The following IL1RAPL2 variants were observed in gnomAD, a reference collection of about 807,000 sequenced individuals.
IL1RAPL2 encodes X-linked interleukin-1 receptor accessory protein-like 2.
In IL1RAPL2, 3 loss-of-function variants were observed where a neutral mutation model predicts 44.1. The ratio of observed to expected loss-of-function variants is 0.07; its 90% confidence interval spans 0.03 to 0.18. The LOEUF (loss-of-function observed/expected upper bound fraction) is 0.18, where lower values mean the gene tolerates loss of function less well. IL1RAPL2 is among the 10% of genes least tolerant of loss of function. The pLI, the probability that IL1RAPL2 is intolerant of heterozygous loss-of-function variation, is 1.00. For synonymous variants in IL1RAPL2, 181 were observed against 178.8 expected, an observed-to-expected ratio of 1.01 and a Z score of -0.10; for missense variants, 391 against 496.4, an observed-to-expected ratio of 0.79 and a Z score of 2.02.
chrX:104,977,685 G>A (rs185037101), intron 2 of IL1RAPL2, among the ~76,000 whole-genome samples: 65 of 112,000 alleles, frequency 5.8e-4, no homozygotes, highest in African/African-American at 2.0e-3. Flanking sequence ...AAGAATTCAA[G>A]GGCAAGCTGG....
At chrX:104,941,900 A>T (rs774392570) in intron 2 of IL1RAPL2, among the ~76,000 whole-genome samples, 23 of 111,775 alleles carry the variant, frequency 2.1e-4, no homozygotes, top group African/African-American at 7.2e-4. Context: ...AGGGATCCAG[A>T]TTCAGCTTTC....
chrX:105,644,142 C>T (rs914833840), intron 6 of IL1RAPL2, among the ~76,000 whole-genome samples: 8 of 111,639 alleles, frequency 7.2e-5, no homozygotes, highest in Non-Finnish European at 1.3e-4. Flanking sequence ...CTGCCTGCCT[C>T]GGTCTCCCAA....
intron 6 of IL1RAPL2, among the ~76,000 whole-genome samples, chrX:105,573,201 G>A (rs1394751162): frequency 9.0e-6 from 1 of 111,037 alleles, no homozygotes; most frequent in African/African-American, 3.3e-5. Context: ...TGGGACCACA[G>A]GCATGCACCA....
At chrX:105,120,995 TC>T (rs1476746596) in intron 2 of IL1RAPL2, among the ~76,000 whole-genome samples, 1 of 111,703 alleles carries the variant, frequency 9.0e-6, no homozygotes, top group Admixed American at 9.5e-5. Flanking sequence ...GATGCTGCCT[TC>T]TAAACCATGG....
intron 3 of IL1RAPL2, among the ~76,000 whole-genome samples, chrX:105,207,759 C>T (rs949384332): frequency 8.9e-6 from 1 of 111,927 alleles, no homozygotes; most frequent in Non-Finnish European, 1.9e-5. Context: ...CAGGAACTAA[C>T]CTGCCATACC....
chrX:105,247,677 G>A (rs61465203), intron 4 of IL1RAPL2, among the ~76,000 whole-genome samples: 196 of 101,269 alleles, frequency 1.9e-3, no homozygotes, highest in African/African-American at 6.6e-3. Context: ...TTGACAAATC[G>A]AACAGTGAAG....
chrX:105,735,481 G>A (rs769833999), intron 7 of IL1RAPL2, among the ~76,000 whole-genome samples: 8 of 111,164 alleles, frequency 7.2e-5, no homozygotes, highest in Non-Finnish European at 1.5e-4. Flanking sequence ...TATATCCCAG[G>A]ATTCCTCCCT....
intron 6 of IL1RAPL2, among the ~76,000 whole-genome samples, chrX:105,626,747 C>CA (rs916392404): frequency 1.8e-5 from 2 of 111,076 alleles, no homozygotes; most frequent in Admixed American, 1.9e-4. Context: ...TATTAGATTT[C>CA]AAAAAAACAT....
chrX:104,593,702 G>A (rs1356685916), intron 1 of IL1RAPL2, among the ~76,000 whole-genome samples: 3 of 111,520 alleles, frequency 2.7e-5, no homozygotes, highest in Admixed American at 1.9e-4. Context: ...TTTGTTTTAT[G>A]CTACAGTTAT....
chrX:105,215,691 C>A (rs2033851913), intron 3 of IL1RAPL2, among the ~76,000 whole-genome samples: 1 of 111,544 alleles, frequency 9.0e-6, no homozygotes, highest in Non-Finnish European at 1.9e-5. Context: ...CCCCGAAGAA[C>A]ATCGATGTGA....
intron 2 of IL1RAPL2, among the ~76,000 whole-genome samples, chrX:104,731,487 C>A (rs1396135807): frequency 1.8e-5 from 2 of 111,521 alleles, no homozygotes; most frequent in Admixed American, 1.9e-4. Flanking sequence ...ACTGCAGCCT[C>A]CACCTCCCAG....
chrX:104,792,186 A>G (rs906128237), intron 2 of IL1RAPL2, among the ~76,000 whole-genome samples: 15 of 111,129 alleles, frequency 1.3e-4, no homozygotes, highest in Admixed American at 2.9e-4. Context: ...AGTTATTCAC[A>G]TGCTCTGCTA....
chrX:105,698,424 C>A (rs1249539737), intron 6 of IL1RAPL2, among the ~76,000 whole-genome samples: 1 of 111,776 alleles, frequency 8.9e-6, no homozygotes, highest in African/African-American at 3.2e-5. Flanking sequence ...ATTGGAGTGA[C>A]CATGAAAATT....
chrX:105,042,332 A>T (rs1273854025), intron 2 of IL1RAPL2, among the ~76,000 whole-genome samples: 1 of 110,440 alleles, frequency 9.1e-6, no homozygotes, highest in Non-Finnish European at 1.9e-5. Flanking sequence ...TACTCATCTG[A>T]CAAAGGGCTA....
intron 6 of IL1RAPL2, among the ~76,000 whole-genome samples, chrX:105,706,823 T>C (rs2038169694): frequency 1.8e-5 from 2 of 111,645 alleles, no homozygotes; most frequent in South Asian, 3.8e-4. Flanking sequence ...TTCTTTATTA[T>C]GATATTGCTA....
chrX:104,856,267 T>C (rs761230594), intron 2 of IL1RAPL2, among the ~76,000 whole-genome samples: 3 of 112,290 alleles, frequency 2.7e-5, no homozygotes, highest in Non-Finnish European at 5.6e-5. Context: ...TTGTGAAATA[T>C]TTGAAACAGA....
intron 5 of IL1RAPL2, among the ~76,000 whole-genome samples, chrX:105,354,986 A>G (rs1268790016): frequency 9.0e-6 from 1 of 111,664 alleles, no homozygotes; most frequent in Admixed American, 9.6e-5. Flanking sequence ...CCCTATACCA[A>G]TATTGAGTTA....
chrX:104,630,745 C>T (rs1167839302), intron 1 of IL1RAPL2, among the ~76,000 whole-genome samples: 2 of 110,754 alleles, frequency 1.8e-5, no homozygotes, highest in Non-Finnish European at 3.8e-5. Flanking sequence ...GCTTTGGGTA[C>T]TGTGGTCATT....
chrX:105,290,860 A>G (rs1339737815), intron 5 of IL1RAPL2, among the ~76,000 whole-genome samples: 1 of 110,881 alleles, frequency 9.0e-6, no homozygotes, highest in East Asian at 2.8e-4. Flanking sequence ...ATGGAGATAG[A>G]TTTTCTTTTA....
Sources: allele counts gnomAD v4.1 joint callset (sites outside exome capture counted in the v4.1 genomes callset), GRCh38; gene constraint gnomAD v4.1.1; transcripts MANE v1.5; gene names NCBI Gene and HGNC (gene_info 2026-07-23, HGNC 2026-07-21).